Variants in CPXM2 observed in about 807,000 individuals in gnomAD.
CPXM2 encodes carboxypeptidase X, M14 family member 2, also known as inactive carboxypeptidase-like protein X2.
A neutral mutation model predicts 86.1 loss-of-function variants in CPXM2; 66 were observed. The ratio of observed to expected loss-of-function variants is 0.77; its 90% CI spans 0.63 to 0.94. CPXM2 has a LOEUF of 0.94. Ranked by LOEUF, CPXM2 falls within the 40% of genes least tolerant of loss-of-function variation. CPXM2 has a pLI of 0.00. For missense variants in CPXM2, 948 were observed against 1,026.3 expected (o/e 0.92, Z 1.04); for synonymous variants, 388 against 400.2 (o/e 0.97, Z 0.36).
intron 7 of CPXM2, among the ~76,000 whole-genome samples, chr10:123,778,533 G>A (rs556437026): frequency 2.2e-4 from 33 of 152,284 alleles, no homozygotes; most frequent in African/African-American, 6.0e-4. Flanking sequence ...GTGATCAGTC[G>A]CCTAGAGTAA....
At chr10:123,797,109 C>T (rs1336921492) in intron 6 of CPXM2, among the ~76,000 whole-genome samples, 2 of 152,206 alleles carry the variant, frequency 1.3e-5, no homozygotes, top group Admixed American at 6.5e-5. Flanking sequence ...TGAATTCAAA[C>T]CCCCTTTCTT....
At chr10:123,895,886 T>C (rs1344567080), upstream of CPXM2, among the ~76,000 whole-genome samples, 1 of 152,246 alleles carries the variant, frequency 6.6e-6, no homozygotes, top group African/African-American at 2.4e-5. Context: ...ATTGAGAATC[T>C]GCTAAGTGCA....
chr10:123,767,451 A>G (rs1312877183), intron 9 of CPXM2, among the ~76,000 whole-genome samples: 2 of 152,212 alleles, frequency 1.3e-5, no homozygotes, highest in African/African-American at 2.4e-5. Flanking sequence ...CCTCTCTTCT[A>G]TACTGGCCAG....
At chr10:123,925,845 C>G (rs1008048831) in intron 2 of CPXM2, among the ~76,000 whole-genome samples, 21 of 152,226 alleles carry the variant, frequency 1.4e-4, no homozygotes, top group African/African-American at 5.1e-4. Flanking sequence ...TGAGCAAATT[C>G]ATGGAGCTTC....
rs747926025 is a variant in CPXM2, at chr10:123,747,012, C to T, written c.2023G>A (p.Asp675Asn). The T allele has an allele frequency of 9.9e-6, 16 of 1,613,310 alleles. No individual in the cohort carries two copies. The highest frequency in any genetic ancestry group is 2.2e-5 in the East Asian group (1 of 44,876). ...GINHDIRTANDGDYWRLLNPG... is the reference protein window; with the variant it reads ...GINHDIRTANNGDYWRLLNPG... ...TTCAGGAGGCGCCAGTAATCCCCAT[C>T]GTTGGCTGTGAAAAAGAAAACCAGG... The change falls in exon 14 of 14, where the codon GAT (aspartate) becomes AAT (asparagine). Residue 675 changes from aspartate to asparagine, a missense_variant. Transcript: ENST00000241305.
intron 2 of CPXM2, among the ~76,000 whole-genome samples, chr10:123,939,157 G>A (rs1038096113): frequency 3.9e-5 from 6 of 152,200 alleles, no homozygotes; most frequent in East Asian, 1.9e-4. Context: ...CCACAGAGCC[G>A]TAGTATTGGG....
chr10:123,754,400 C>T lies in CPXM2; in HGVS notation c.2017+263G>A, dbSNP rs12571444. Among the ~76,000 whole-genome samples the T allele has an allele frequency of 2.0e-5, 3 of 152,216 alleles. No individual in the cohort carries two copies. The highest frequency in any genetic ancestry group is 4.4e-5 in the Non-Finnish European group (3 of 68,046). ...GGAGACAGAGCTGCTTCCTCAACTCCTTAGAAACTTCCACTGTGCCTGGAG... is the reference window on the plus strand; with the variant it reads ...GGAGACAGAGCTGCTTCCTCAACTCTTTAGAAACTTCCACTGTGCCTGGAG... On this transcript the variant is annotated intron_variant, in intron 13 of 13. Coordinates refer to ENST00000241305, the MANE Select transcript of CPXM2 (RefSeq NM_198148.3). This position sits in a 1 kb window ranked among gnomAD's most constrained non-coding sequence, Gnocchi z 4.0.
At chr10:123,787,675 G>C (rs374755964) in intron 6 of CPXM2, among the ~76,000 whole-genome samples, 117 of 152,276 alleles carry the variant, frequency 7.7e-4, no homozygotes, top group Middle Eastern at 3.4e-3. Flanking sequence ...TCTGCTTGCT[G>C]TTTGCTGCCT....
At chr10:123,749,014 A>T (rs1453936262) in intron 13 of CPXM2, among the ~76,000 whole-genome samples, 1 of 152,168 alleles carries the variant, frequency 6.6e-6, no homozygotes, top group African/African-American at 2.4e-5. Flanking sequence ...ATCCTCCTGG[A>T]CTGAACGCCG....
At chr10:123,909,706 C>A (rs960995980) in intron 2 of CPXM2, among the ~76,000 whole-genome samples, 1 of 152,188 alleles carries the variant, frequency 6.6e-6, no homozygotes, top group African/African-American at 2.4e-5. Context: ...AAAGGAACAT[C>A]TTTCAACAAG....
At chr10:123,836,939 C>T (rs1339964832) in intron 4 of CPXM2, among the ~76,000 whole-genome samples, 1 of 152,032 alleles carries the variant, frequency 6.6e-6, no homozygotes, top group African/African-American at 2.4e-5. Flanking sequence ...AGGTGAGCCC[C>T]TGTCCCAGAG....
chr10:123,872,894 C>T (rs1045791793), intron 2 of CPXM2, among the ~76,000 whole-genome samples: 1 of 150,680 alleles, frequency 6.6e-6, no homozygotes, highest in Non-Finnish European at 1.5e-5. Context: ...TTGTATAATC[C>T]AAGAGTCATG....
rs746917708 is a variant in CPXM2, at chr10:123,770,886, G to A, written c.1102+30C>T. On this transcript the variant is annotated intron_variant, in intron 8 of 13. Transcript: ENST00000241305. The stretch of plus-strand genomic sequence containing the variant: ...TTTACATGAGTACCAAAGATGAAGG[G>A]GCCAAGCATCCCAGAGGGGCCCTTC... 32 of 1,597,786 alleles carry A rather than the reference G, an allele frequency of 2.0e-5. No individual in the cohort carries two copies. In the Middle Eastern group the frequency reaches 1.1e-3, roughly 54 times the overall value.
chr10:123,912,636 G>A (rs1399991842), intron 2 of CPXM2, among the ~76,000 whole-genome samples: 2 of 152,204 alleles, frequency 1.3e-5, no homozygotes, highest in Non-Finnish European at 2.9e-5. Flanking sequence ...GGGATTGGGA[G>A]CATGGAAGTG....
At chr10:123,757,191 C>T (rs2133979226) in intron 12 of CPXM2, 22 bp downstream of exon 12, 1 of 1,610,318 alleles carries the variant, frequency 6.2e-7, no homozygotes, top group South Asian at 1.1e-5. Flanking sequence ...CCCCTCATCC[C>T]AGCCACACAC....
chr10:123,833,575 A>T (rs544656432), intron 4 of CPXM2, among the ~76,000 whole-genome samples: 1 of 152,174 alleles, frequency 6.6e-6, no homozygotes, highest in Non-Finnish European at 1.5e-5. Flanking sequence ...ATGTGTCCAG[A>T]CCGCACTCAT....
intron 9 of CPXM2, 35 bp downstream of exon 9, chr10:123,768,491 A>G (rs1219726): frequency 0.37 from 554,493 of 1,494,084 alleles, 111,276 homozygotes; most frequent in East Asian, 0.59. Context: ...CTCGCTGCCC[A>G]TGTCCTATTG....
rs565835917 is a variant in CPXM2, at chr10:123,746,392, C to T, written c.*372G>A. 1.6e-5 allele frequency: 4 copies of T among 246,110 alleles called. No homozygotes were observed. Among genetic ancestry groups the T allele is most frequent in the East Asian group, 1.0e-4 (1 of 9,980 alleles). The allele number at this position is 246,110 out of a possible 1,614,324, so 15.2% of individuals were successfully genotyped here. A position where few individuals can be genotyped will look rare whatever the true frequency, so the allele number is the denominator to read the frequency against. On this transcript the variant is annotated 3_prime_UTR_variant, in exon 14 of 14. Transcript: ENST00000241305. ...TTTAGCTGTGCAAATTGCAAATGCA[C>T]GTGGAACCCTTGCTGCCACGCAAAC...
intron 3 of CPXM2, among the ~76,000 whole-genome samples, chr10:123,858,899 A>G (rs939895214): frequency 1.3e-5 from 2 of 152,132 alleles, no homozygotes; most frequent in African/African-American, 4.8e-5. Context: ...CTTTTTCTTT[A>G]CTCCTTTTGA....
Sources: gnomAD v4.1 joint callset for allele counts (sites outside exome capture counted in the v4.1 genomes callset) on GRCh38, gnomAD v4.1.1 for gene constraint, Gnocchi (gnomAD v3.1) non-coding constraint, MANE v1.5 for transcripts, NCBI Gene and HGNC (gene_info 2026-07-23, HGNC 2026-07-21) for gene names.